The following DLGAP1 variants were observed in gnomAD, a reference collection of about 807,000 sequenced individuals.
The protein encoded by DLGAP1 is disks large-associated protein 1.
Under a neutral mutation model 90.8 loss-of-function variants are expected in DLGAP1, and 11 were observed. The observed-to-expected ratio is 0.12, with a 90% CI of 0.08 to 0.20. The LOEUF (loss-of-function observed/expected upper bound fraction) is 0.20, where lower values mean the gene tolerates loss of function less well. DLGAP1 is among the 10% of genes least tolerant of loss of function. DLGAP1 has a pLI of 1.00. For synonymous variants in DLGAP1, 558 were observed against 540.7 expected (o/e 1.03, Z -0.44); for missense variants, 1,050 against 1,333.8 (o/e 0.79, Z 3.31).
chr18:3,930,886 G>T (rs2072500724), intron 3 of DLGAP1, among the ~76,000 whole-genome samples: 1 of 152,192 alleles, frequency 6.6e-6, no homozygotes, highest in African/African-American at 2.4e-5. Flanking sequence ...TTTCTCTTGT[G>T]GTTTTGGAAA....
intron 2 of DLGAP1, among the ~76,000 whole-genome samples, chr18:4,120,773 T>C (rs2076141120): frequency 6.7e-6 from 1 of 149,406 alleles, no homozygotes; most frequent in Non-Finnish European, 1.5e-5. Context: ...TCCCTTTCTC[T>C]TTCTCTCTCT....
intron 9 of DLGAP1, among the ~76,000 whole-genome samples, chr18:3,544,297 G>C (rs189518937): frequency 1.1e-4 from 16 of 152,274 alleles, no homozygotes; most frequent in Admixed American, 2.0e-4. Flanking sequence ...GCTGAGGCGC[G>C]AGATTGCTTG....
intron 3 of DLGAP1, among the ~76,000 whole-genome samples, chr18:3,916,786 G>T (rs755937843): frequency 6.6e-6 from 1 of 152,126 alleles, no homozygotes; most frequent in Non-Finnish European, 1.5e-5. Flanking sequence ...GGAATGAGCT[G>T]ATCGTTGTAG....
chr18:4,323,564 T>TA (rs772690241), intron 1 of DLGAP1, among the ~76,000 whole-genome samples: 1 of 152,018 alleles, frequency 6.6e-6, no homozygotes, highest in Non-Finnish European at 1.5e-5. Context: ...AATAAACTAA[T>TA]AGAGAAAATG....
chr18:4,419,777 G>A (rs2082987268), intron 1 of DLGAP1, among the ~76,000 whole-genome samples: 1 of 151,898 alleles, frequency 6.6e-6, no homozygotes, highest in Admixed American at 6.6e-5. Flanking sequence ...TAACAAAATT[G>A]AGTAAATAAT....
chr18:4,025,809 C>T (rs1258624705), intron 2 of DLGAP1, among the ~76,000 whole-genome samples: 1 of 152,088 alleles, frequency 6.6e-6, no homozygotes, highest in Non-Finnish European at 1.5e-5. Context: ...TTTTACATGA[C>T]TGCTAAGGGA....
In DLGAP1 at chr18:4,380,240, G is replaced by A. The variant is rs954801510; in HGVS notation, c.-267+74766C>T. 5.0e-4 allele frequency among the ~76,000 whole-genome samples: 76 copies of A among 152,038 alleles called. 1 individual carries two copies. The highest frequency in any genetic ancestry group is 4.1e-3 in the Admixed American group (62 of 15,248). ...AATATCACTTACTGGAAAATAAAAC[G>A]AATATCATTACATTTTGAAAATTAT... On this transcript the variant is annotated intron_variant, in intron 1 of 12. Transcript: ENST00000315677.
At chr18:3,811,945 C>T (rs3786433) in intron 5 of DLGAP1, among the ~76,000 whole-genome samples, 3,480 of 152,276 alleles carry the variant, frequency 0.023, 49 homozygotes, top group East Asian at 0.058. Flanking sequence ...TCTTTCTGTT[C>T]TCCTCTTACC....
intron 1 of DLGAP1, among the ~76,000 whole-genome samples, chr18:4,406,579 T>A (rs1222899548): frequency 6.6e-6 from 1 of 152,176 alleles, no homozygotes; most frequent in East Asian, 1.9e-4. Flanking sequence ...GTCACACTGC[T>A]AGGAAAAGGC....
chr18:3,722,728 C>A (rs914133794), intron 7 of DLGAP1, among the ~76,000 whole-genome samples: 1 of 152,124 alleles, frequency 6.6e-6, no homozygotes, highest in Admixed American at 6.5e-5. Flanking sequence ...GACTTCTGAA[C>A]CTTTGCCTCC....
At chr18:4,047,766 T>G (rs1249436876) in intron 2 of DLGAP1, among the ~76,000 whole-genome samples, 2 of 152,196 alleles carry the variant, frequency 1.3e-5, no homozygotes, top group African/African-American at 2.4e-5. Context: ...CTTCTTCCAT[T>G]AGATCATTGA....
chr18:3,922,783 G>A (rs1228826082), intron 3 of DLGAP1, among the ~76,000 whole-genome samples: 1 of 152,072 alleles, frequency 6.6e-6, no homozygotes, highest in Non-Finnish European at 1.5e-5. Context: ...TTACTTCTGG[G>A]TAAAAGGATT....
intron 1 of DLGAP1, among the ~76,000 whole-genome samples, chr18:4,320,433 A>C (rs1367661906): frequency 2.0e-5 from 3 of 152,122 alleles, no homozygotes; most frequent in African/African-American, 7.2e-5. Context: ...TTGTCTCATG[A>C]GTTATAATCT....
intron 3 of DLGAP1, among the ~76,000 whole-genome samples, chr18:3,920,750 C>T (rs533031162): frequency 4.8e-5 from 6 of 124,064 alleles, no homozygotes; most frequent in African/African-American, 1.3e-4. Flanking sequence ...GACCTGACAG[C>T]GATCAATACG....
intron 2 of DLGAP1, among the ~76,000 whole-genome samples, chr18:4,080,643 C>T (rs964317753): frequency 2.0e-5 from 3 of 152,166 alleles, no homozygotes; most frequent in Admixed American, 6.5e-5. Flanking sequence ...CTTCTTTCTG[C>T]GGGCTGCTCC....
At chr18:3,530,077 AAAC>A (rs1454105153) in intron 10 of DLGAP1, among the ~76,000 whole-genome samples, 1 of 152,216 alleles carries the variant, frequency 6.6e-6, no homozygotes, top group Non-Finnish European at 1.5e-5. Flanking sequence ...CATTAAAAGA[AAAC>A]AACAGATAAG....
chr18:3,515,683 T>C (rs2050799809), intron 10 of DLGAP1, among the ~76,000 whole-genome samples: 1 of 148,164 alleles, frequency 6.7e-6, no homozygotes, highest in Non-Finnish European at 1.5e-5. Context: ...GGAGGCTGAG[T>C]TGGGAGGATC....
intron 2 of DLGAP1, among the ~76,000 whole-genome samples, chr18:4,097,372 G>A (rs1458390545): frequency 1.3e-5 from 2 of 152,116 alleles, no homozygotes; most frequent in African/African-American, 2.4e-5. Flanking sequence ...CCTTCTCCAG[G>A]ATGCCAATCA....
At chr18:3,801,030 G>T (rs1177755080) in intron 5 of DLGAP1, among the ~76,000 whole-genome samples, 1 of 152,152 alleles carries the variant, frequency 6.6e-6, no homozygotes, top group Non-Finnish European at 1.5e-5. Flanking sequence ...CATGGCTGAA[G>T]ATGACAGGGT....
Sources: allele counts gnomAD v4.1 joint callset (sites outside exome capture counted in the v4.1 genomes callset), GRCh38; gene constraint gnomAD v4.1.1; transcripts MANE v1.5; gene names NCBI Gene and HGNC (gene_info 2026-07-23, HGNC 2026-07-21).